DDHD1: variants seen among roughly 807,000 people sequenced by gnomAD.
The protein encoded by DDHD1 is phospholipase DDHD1.
A neutral mutation model predicts 96.4 loss-of-function variants in DDHD1; 49 were observed. That is an observed-to-expected ratio of 0.51 (90% CI 0.40 to 0.64). DDHD1 has a LOEUF of 0.64. Ranked by LOEUF, DDHD1 falls within the 30% of genes least tolerant of loss-of-function variation. The probability of loss-of-function intolerance (pLI) is 0.00; values close to 1 mark genes in which losing one functional copy is unlikely to be tolerated. For missense variants in DDHD1, 1,106 were observed against 1,161.2 expected (o/e 0.95, Z 0.69); for synonymous variants, 442 against 446.5 (o/e 0.99, Z 0.13).
At chr14:53,090,001 T>C (rs1244833705) in intron 4 of DDHD1, among the ~76,000 whole-genome samples, 1 of 152,146 alleles carries the variant, frequency 6.6e-6, no homozygotes, top group African/African-American at 2.4e-5. Context: ...ATCCAGAATC[T>C]ACAAAGAACT....
intron 4 of DDHD1, 55 bp from the exon 5 acceptor site, chr14:53,073,902 A>G: frequency 1.4e-6 from 2 of 1,425,820 alleles, no homozygotes; most frequent in Non-Finnish European, 2.0e-6. Context: ...ATAACTTCAC[A>G]TATAAATTTA....
At position 53,123,209 on chromosome 14, in the gene DDHD1, C is replaced by T. The variant is rs1273735070; in HGVS notation, c.839-19353G>A. Reference sequence around the variant, plus strand: ...TCACCCAGGCTGGAGTGCAGTGGTGCGATCTCAGCTCATTGCAACCTCCGC... The same window carrying T: ...TCACCCAGGCTGGAGTGCAGTGGTGTGATCTCAGCTCATTGCAACCTCCGC... On this transcript the variant is annotated intron_variant, in intron 1 of 12. Transcript: ENST00000673822. Among the ~76,000 whole-genome samples the T allele has an allele frequency of 4.6e-5, 7 of 150,698 alleles. No individual in the cohort carries two copies. In the South Asian group the frequency reaches 6.3e-4, roughly 14 times the overall value.
At chr14:53,080,509 G>C (rs1342132511) in intron 4 of DDHD1, among the ~76,000 whole-genome samples, 1 of 152,004 alleles carries the variant, frequency 6.6e-6, no homozygotes, top group Non-Finnish European at 1.5e-5. Context: ...TCCTTCATCT[G>C]TAAGTTGAAA....
At position 53,054,466 on chromosome 14, in the gene DDHD1, A is replaced by G. The variant is rs778770755; in HGVS notation, c.2409T>C (p.His803=). The G allele has an allele frequency of 3.7e-6, 6 of 1,614,098 alleles. No homozygotes were observed. Among genetic ancestry groups the G allele is most frequent in the Non-Finnish European group, 4.2e-6 (5 of 1,179,964 alleles). ...ATTVGTQTLP[H]SSSGFLDSAY... is the part of the protein sequence containing the mutation. ...CAGAATCGAGGAAGCCAGAACTGCT[A>G]TGTGGAAGGGTCTGTGTCCCTACGG... The change falls in exon 11 of 13, where the codon CAT becomes CAC. Residue 803 remains histidine, a synonymous_variant. Coordinates refer to ENST00000673822, the MANE Select transcript of DDHD1 (RefSeq NM_001160148.2).
At chr14:53,081,186 G>C (rs904030233) in intron 4 of DDHD1, among the ~76,000 whole-genome samples, 6 of 152,120 alleles carry the variant, frequency 3.9e-5, no homozygotes, top group African/African-American at 1.4e-4. Flanking sequence ...TAGACTTGAA[G>C]GCAGGATTTC....
intron 1 of DDHD1, among the ~76,000 whole-genome samples, chr14:53,151,898 T>C (rs370829473): frequency 9.2e-5 from 14 of 152,290 alleles, no homozygotes; most frequent in African/African-American, 2.9e-4. Context: ...ATAGGCTGTT[T>C]AGGGTAAATG....
intron 6 of DDHD1, among the ~76,000 whole-genome samples, chr14:53,063,896 A>G (rs1315172528): frequency 6.6e-6 from 1 of 152,102 alleles, no homozygotes; most frequent in Non-Finnish European, 1.5e-5. Context: ...GCTTTCTTTG[A>G]AATTAAGCTT....
At chr14:53,052,460 A>C (rs1882681564) in intron 11 of DDHD1, 1 of 151,798 alleles carries the variant, frequency 6.6e-6, no homozygotes. Context: ...ATGTAAGTAG[A>C]AGGAAGAAAG....
At chr14:53,056,795 C>A (rs924920720) in intron 9 of DDHD1, among the ~76,000 whole-genome samples, 2 of 152,072 alleles carry the variant, frequency 1.3e-5, no homozygotes, top group African/African-American at 2.4e-5. Flanking sequence ...CACAGAAAAA[C>A]TATAAAATGA....
rs35996453 is a variant in DDHD1 at position 53,124,249 on chromosome 14, T to TTA, written c.839-20395_839-20394dup. Among the ~76,000 whole-genome samples, 149 of 146,510 alleles carry TTA rather than the reference T, an allele frequency of 1.0e-3. 3 individuals carry two copies. The highest frequency in any genetic ancestry group is 9.8e-3 in the South Asian group (46 of 4,708). On this transcript the variant is annotated intron_variant, in intron 1 of 12. Coordinates refer to ENST00000673822, the MANE Select transcript of DDHD1 (RefSeq NM_001160148.2). ...AAACTCTGTCTCAAAAAAAAAAAAATTATATATATATATATGGTTAAAAAT... is the reference window on the plus strand; with the variant it reads ...AAACTCTGTCTCAAAAAAAAAAAAATTATATATATATATATATGGTTAAAAAT...
intron 4 of DDHD1, among the ~76,000 whole-genome samples, chr14:53,075,424 C>G (rs775291342): frequency 6.6e-6 from 1 of 152,156 alleles, no homozygotes; most frequent in Non-Finnish European, 1.5e-5. Flanking sequence ...TAATCCAGAG[C>G]AAGCCTTAAC....
chr14:53,107,876 A>G (rs1435409919), intron 1 of DDHD1, among the ~76,000 whole-genome samples: 1 of 152,192 alleles, frequency 6.6e-6, no homozygotes, highest in Non-Finnish European at 1.5e-5. Flanking sequence ...ATCAGGTAGT[A>G]AAGAGAGCTC....
intron 1 of DDHD1, among the ~76,000 whole-genome samples, chr14:53,122,127 A>G (rs897313217): frequency 3.3e-5 from 5 of 152,158 alleles, no homozygotes. Flanking sequence ...TTCTGGTTCC[A>G]GTGTGCTTAC....
chr14:53,103,695 C>G lies in DDHD1; in HGVS notation c.1000G>C (p.Asp334His). Residue 334 changes from aspartate to histidine, a missense_variant, in exon 2 of 13, where the codon GAT (aspartate) becomes CAT (histidine). Asp to His is a moderately conservative substitution (Grantham distance 81). This residue lies in a region of DDHD1 where 650 missense variants were observed against 758.8 expected (regional missense o/e 0.86). Transcript: ENST00000673822. Reference protein sequence around the residue: ...NFDIEVSKSIDGKDAVHSFKL... With the variant: ...NFDIEVSKSIHGKDAVHSFKL... ...CAATTGATCTTACCATCTTTTCCAT[C>G]TATGGATTTTGACACTTCAATATCG... The G allele has an allele frequency of 6.2e-7, 1 of 1,610,000 alleles. No homozygotes were observed. The highest frequency in any genetic ancestry group is 8.5e-7 in the Non-Finnish European group (1 of 1,178,690).
chr14:53,151,959 A>C lies in DDHD1; in HGVS notation c.838+302T>G, dbSNP rs371041330. 2.4e-4 allele frequency among the ~76,000 whole-genome samples: 36 copies of C among 152,272 alleles called. No individual in the cohort carries two copies. The East Asian group carries it at 6.6e-3, about 28-fold the overall frequency. On this transcript the variant is annotated intron_variant, in intron 1 of 12. Coordinates refer to ENST00000673822, the MANE Select transcript of DDHD1 (RefSeq NM_001160148.2). ...CAAAGCTGGTAGGATCACGAAATTA[A>C]ACCTCGGGCTGCGGATCCGGTCCTG... is the stretch of plus-strand genomic sequence containing the variant.
chr14:53,052,498 A>G (rs530332884), intron 11 of DDHD1: 1 of 152,228 alleles, frequency 6.6e-6, no homozygotes, highest in South Asian at 2.1e-4. Flanking sequence ...CCTAATCACA[A>G]TGACCAAATT....
chr14:53,070,032 T>C (rs1414244660), intron 6 of DDHD1, among the ~76,000 whole-genome samples: 1 of 152,184 alleles, frequency 6.6e-6, no homozygotes. Flanking sequence ...TATAAGAGCA[T>C]TACAGAAAGT....
chr14:53,102,578 T>C (rs1381561748), intron 2 of DDHD1, among the ~76,000 whole-genome samples: 1 of 152,062 alleles, frequency 6.6e-6, no homozygotes, highest in East Asian at 1.9e-4. Flanking sequence ...ATCAACTAGA[T>C]GCAAATGATA....
In DDHD1 at chr14:53,073,379, T is replaced by C. The variant is rs149386043; in HGVS notation, c.1396+362A>G. On this transcript the variant is annotated intron_variant, in intron 5 of 12. Transcript: ENST00000673822. ...TATTAGAAAGAAAAATGTAAGCTCG[T>C]ATGGAATTATGGAAAACAAATATTT... Among the ~76,000 whole-genome samples, 22 of 152,122 alleles carry C rather than the reference T, an allele frequency of 1.4e-4. No homozygotes were observed. In the East Asian group the frequency reaches 4.0e-3, roughly 28 times the overall value.
Sources: gnomAD v4.1 joint callset for allele counts (sites outside exome capture counted in the v4.1 genomes callset) on GRCh38, gnomAD v4.1.1 for gene constraint, gnomAD v4.1.1 regional missense constraint, MANE v1.5 for transcripts, NCBI Gene and HGNC (gene_info 2026-07-23, HGNC 2026-07-21) for gene names.